PCDHA5: variants seen among roughly 807,000 people sequenced by gnomAD.
PCDHA5 encodes protocadherin alpha-5.
Under a neutral mutation model 61.6 loss-of-function variants are expected in PCDHA5, and 43 were observed. The ratio of observed to expected loss-of-function variants is 0.70; its 90% CI spans 0.55 to 0.90. The LOEUF is 0.90. Ranked by LOEUF, PCDHA5 falls within the 40% of genes least tolerant of loss-of-function variation. The pLI is 0.00. For synonymous variants in PCDHA5, 627 were observed against 543.9 expected (o/e 1.15, Z -2.13); for missense variants, 1,298 against 1,222.7 (o/e 1.06, Z -0.92).
rs782194525 is a variant in PCDHA5 at position 140,927,807 on chromosome 5, C to T, written c.2353-51142C>T. The T allele has an allele frequency of 8.7e-6, 14 of 1,614,088 alleles. No homozygotes were observed. In the African/African-American group the frequency reaches 1.3e-4, roughly 15 times the overall value. Reference sequence around the variant, plus strand: ...CTTCACTAGGTCCGCCTGAAACGCTCTTGGAGGCATACATTGAGGCGAGGG... The same window carrying T: ...CTTCACTAGGTCCGCCTGAAACGCTTTTGGAGGCATACATTGAGGCGAGGG... On this transcript the variant is annotated intron_variant, in intron 1 of 3. Coordinates refer to ENST00000529859, the MANE Select transcript of PCDHA5 (RefSeq NM_018908.3).
At chr5:140,917,211 C>T (rs938458701) in intron 1 of PCDHA5, among the ~76,000 whole-genome samples, 3 of 151,636 alleles carry the variant, frequency 2.0e-5, no homozygotes, top group Non-Finnish European at 2.9e-5. Context: ...TTCAATGCCT[C>T]TTTTAGTGAT....
chr5:140,968,295 A>G lies in PCDHA5; in HGVS notation c.2353-10654A>G, dbSNP rs782722853. 4 of 1,613,916 alleles carry G rather than the reference A, an allele frequency of 2.5e-6. No homozygotes were observed. The Admixed American group carries it at 5.0e-5, about 20-fold the overall frequency. ...GCAGAGGTGACCTACTCCCTTCTGG[A>G]GAGGGAGATTCAAGGGCTGCCAGTC... On this transcript the variant is annotated intron_variant, in intron 1 of 3. Coordinates refer to ENST00000529859, the MANE Select transcript of PCDHA5 (RefSeq NM_018908.3).
At chr5:140,883,333 G>T (rs1554177722) in intron 1 of PCDHA5, 1 of 1,614,066 alleles carries the variant, frequency 6.2e-7, no homozygotes, top group Non-Finnish European at 8.5e-7. Flanking sequence ...TCACTTCTTT[G>T]TCACTCCCCA....
chr5:140,821,727 A>G lies in PCDHA5; in HGVS notation c.-49A>G. 1 of 1,508,774 alleles carries G rather than the reference A, an allele frequency of 6.6e-7. No individual in the cohort carries two copies. The highest frequency in any genetic ancestry group is 1.8e-4 in the Middle Eastern group (1 of 5,632). 93.5% of individuals were successfully genotyped at this position (1,508,774 alleles called of 1,614,324 possible). On this transcript the variant is annotated 5_prime_UTR_variant, in exon 1 of 4. It adds an upstream start codon to the 5' untranslated region. Coordinates refer to ENST00000529859, the MANE Select transcript of PCDHA5 (RefSeq NM_018908.3). ...TAATTGGGAATTGAATTTACAAAAT[A>G]CATTGTGTGGTGATGCAATAGAAAG... is the stretch of plus-strand genomic sequence containing the variant.
chr5:140,882,587 G>C (rs559310344), intron 1 of PCDHA5: 9 of 1,614,256 alleles, frequency 5.6e-6, no homozygotes, highest in Non-Finnish European at 6.8e-6. Flanking sequence ...CATCCACCTG[G>C]AGGTGATCGT....
chr5:140,830,218 C>A, intron 1 of PCDHA5: 2 of 1,613,882 alleles, frequency 1.2e-6, no homozygotes, highest in Non-Finnish European at 1.7e-6. Context: ...CGGTATCCAG[C>A]CTGCTGGTCC....
chr5:140,851,536 A>G, intron 1 of PCDHA5: 1 of 906,554 alleles, frequency 1.1e-6, no homozygotes, highest in African/African-American at 1.8e-5. Context: ...GACAATGTAG[A>G]TAATTCAAGA....
intron 1 of PCDHA5, chr5:140,877,485 G>A (rs1554169791): frequency 6.2e-7 from 1 of 1,613,882 alleles, no homozygotes; most frequent in Admixed American, 1.7e-5. Flanking sequence ...CGCTGGTGGA[G>A]AACGGCCAGG....
At chr5:140,832,425 A>G (rs1162624158) in intron 1 of PCDHA5, among the ~76,000 whole-genome samples, 2 of 152,234 alleles carry the variant, frequency 1.3e-5, no homozygotes, top group Non-Finnish European at 2.9e-5. Context: ...AAAGAAGTAC[A>G]TGATAATTTT....
At chr5:140,976,316 C>T (rs1336395893) in intron 1 of PCDHA5, among the ~76,000 whole-genome samples, 17 of 152,002 alleles carry the variant, frequency 1.1e-4, no homozygotes, top group Admixed American at 1.0e-3. Context: ...TTTGGGAGGC[C>T]GAGGAGGGTG....
chr5:140,841,616 A>T (rs2150319486), intron 1 of PCDHA5: 1 of 1,613,946 alleles, frequency 6.2e-7, no homozygotes, highest in Non-Finnish European at 8.5e-7. Flanking sequence ...GTGCGGGCGG[A>T]GCGCGGAGTG....
chr5:140,824,636 T>TTTTTTTTTTTTTTG (rs1554130013), intron 1 of PCDHA5: 1 of 143,196 alleles, frequency 7.0e-6, no homozygotes, highest in Non-Finnish European at 1.5e-5. Flanking sequence ...TTTTTTTATT[T>TTTTTTTTTTTTTTG]TCTGTAGAGA....
rs183895134 is a variant in PCDHA5, at chr5:140,837,381, G to A, written c.2352+13254G>A. Among the ~76,000 whole-genome samples the A allele has an allele frequency of 4.0e-3, 608 of 151,774 alleles. 11 individuals carry two copies. Among genetic ancestry groups the A allele is most frequent in the African/African-American group, 0.014 (587 of 41,372 alleles). On this transcript the variant is annotated intron_variant, in intron 1 of 3. Transcript: ENST00000529859. ...GCAGTTTAATAGTATTTTTTATTTTGTTCCTTGTTTGTATAAGAAATATAT... is the reference window on the plus strand; with the variant it reads ...GCAGTTTAATAGTATTTTTTATTTTATTCCTTGTTTGTATAAGAAATATAT...
chr5:140,848,512 G>A (rs1781566761), intron 1 of PCDHA5: 1 of 1,590,350 alleles, frequency 6.3e-7, no homozygotes, highest in South Asian at 1.1e-5. Context: ...TACTCAAGTC[G>A]AGGAGATCCA....
At chr5:140,836,278 G>T (rs1774328850) in intron 1 of PCDHA5, 3 of 1,613,796 alleles carry the variant, frequency 1.9e-6, no homozygotes, top group Middle Eastern at 1.6e-4. Context: ...GGTGAGATCA[G>T]CACGACACGA....
intron 3 of PCDHA5, among the ~76,000 whole-genome samples, chr5:140,989,486 A>G (rs1563557204): frequency 6.6e-6 from 1 of 152,190 alleles, no homozygotes; most frequent in African/African-American, 2.4e-5. Context: ...AGGTGCTTGA[A>G]CAAGAAAGAC....
chr5:140,869,518 A>C, intron 1 of PCDHA5: 1 of 1,614,170 alleles, frequency 6.2e-7, no homozygotes, highest in East Asian at 2.2e-5. Flanking sequence ...CAGAGAACAA[A>C]AGCTGCTGAT....
intron 3 of PCDHA5, among the ~76,000 whole-genome samples, 199 bp downstream of exon 3, chr5:140,982,762 TAAC>T (rs1210027762): frequency 6.6e-6 from 1 of 152,130 alleles, no homozygotes; most frequent in Non-Finnish European, 1.5e-5. Context: ...TGAAAAAGGA[TAAC>T]AAGGAAAGTG....
At chr5:140,991,595 C>G (rs181014489) in intron 3 of PCDHA5, among the ~76,000 whole-genome samples, 1 of 152,328 alleles carries the variant, frequency 6.6e-6, no homozygotes, top group African/African-American at 2.4e-5. Flanking sequence ...TACCTGAGCC[C>G]TCACTGGCAG....
Sources: allele counts gnomAD v4.1 joint callset (sites outside exome capture counted in the v4.1 genomes callset), GRCh38; gene constraint gnomAD v4.1.1; transcripts MANE v1.5; gene names NCBI Gene and HGNC (gene_info 2026-07-23, HGNC 2026-07-21).